The following PSKH1 variants were observed in gnomAD, a reference collection of about 807,000 sequenced individuals.
The protein encoded by PSKH1 is serine/threonine-protein kinase H1.
PSKH1 carries 12 observed loss-of-function variants against 26.7 expected under a neutral mutation model. The ratio of observed to expected loss-of-function variants is 0.45; its 90% confidence interval spans 0.29 to 0.73. The LOEUF is 0.73. Ranked by LOEUF, PSKH1 falls within the 30% of genes least tolerant of loss-of-function variation. The pLI, the probability that PSKH1 is intolerant of heterozygous loss-of-function variation, is 0.11. For missense variants in PSKH1, 431 were observed against 595.2 expected, an observed-to-expected ratio of 0.72 and a Z score of 2.87; for synonymous variants, 213 against 234.3, an observed-to-expected ratio of 0.91 and a Z score of 0.83.
intron 1 of PSKH1, among the ~76,000 whole-genome samples, chr16:67,903,780 A>T (rs775574904): frequency 6.7e-6 from 1 of 148,764 alleles, no homozygotes; most frequent in African/African-American, 2.5e-5. Context: ...CTTCCACCCA[A>T]CATGGAAGTT....
At chr16:67,925,394 A>G (rs1045804499) in intron 2 of PSKH1, among the ~76,000 whole-genome samples, 35 of 150,800 alleles carry the variant, frequency 2.3e-4, no homozygotes, top group African/African-American at 8.5e-4. Flanking sequence ...GGGTTTCACC[A>G]TGTTGGCCAG....
Position 67,918,592 on chromosome 16 carries a change from CTTTTT to C in PSKH1, c.958-8720_958-8716del, listed in dbSNP as rs1238011875. Among the ~76,000 whole-genome samples, 4 of 134,318 alleles carry C rather than the reference CTTTTT, an allele frequency of 3.0e-5. 1 individual carries two copies. Among genetic ancestry groups the C allele is most frequent in the Non-Finnish European group, 6.5e-5 (4 of 61,774 alleles). The allele number at this position is 134,318 out of a possible 152,430, so 88.1% of individuals were successfully genotyped here. ...GCAATGAGCTTGACCACCTGTAGTT[CTTTTT>C]TTTTTTTTTTTTGAGATGGAGTCTT... On this transcript the variant is annotated intron_variant, in intron 2 of 2. Coordinates refer to ENST00000291041, the MANE Select transcript of PSKH1 (RefSeq NM_006742.3).
intron 2 of PSKH1, among the ~76,000 whole-genome samples, chr16:67,926,842 G>A (rs1288443064): frequency 6.6e-6 from 1 of 152,030 alleles, no homozygotes; most frequent in Non-Finnish European, 1.5e-5. Context: ...AGGGAGCAGT[G>A]GTCTTCTGCC....
chr16:67,927,222 G>A lies in PSKH1; in HGVS notation c.958-103G>A. On this transcript the variant is annotated intron_variant, in intron 2 of 2. Transcript: ENST00000291041. The surrounding 1 kb of genome is among the most constrained non-coding windows in gnomAD (Gnocchi z 5.5). ...CAAGTGCTACATGAGAGGAGGGGCA[G>A]CACCTCTCTCTGGAAAGGGGAGGGT... The A allele has an allele frequency of 8.3e-7, 1 of 1,202,054 alleles. No homozygotes were observed. Among genetic ancestry groups the A allele is most frequent in the Non-Finnish European group, 1.2e-6 (1 of 853,624 alleles). 74.5% of individuals were successfully genotyped at this position (1,202,054 alleles called of 1,614,324 possible). A position where few individuals can be genotyped will look rare whatever the true frequency, so the allele number is the denominator to read the frequency against.
chr16:67,907,608 G>A lies in PSKH1; in HGVS notation c.-70-1072G>A, dbSNP rs572831625. Among the ~76,000 whole-genome samples the A allele has an allele frequency of 1.2e-3, 176 of 152,328 alleles. 2 individuals are homozygous for A. Among genetic ancestry groups the A allele is most frequent in the South Asian group, 8.5e-3 (41 of 4,820 alleles). On this transcript the variant is annotated intron_variant, in intron 1 of 2. Coordinates refer to ENST00000291041, the MANE Select transcript of PSKH1 (RefSeq NM_006742.3). ...GACCAGGCGAGTTTTGCAGTCACTT[G>A]GTGGCAGTGTGCTGAGGCTTGTGGT...
chr16:67,918,943 T>C (rs539304935), intron 2 of PSKH1, among the ~76,000 whole-genome samples: 17 of 152,240 alleles, frequency 1.1e-4, no homozygotes, highest in African/African-American at 4.1e-4. Context: ...GAAGATAAAA[T>C]GAGATGCAGA....
intron 2 of PSKH1, among the ~76,000 whole-genome samples, chr16:67,923,071 G>T (rs370416797): frequency 6.6e-6 from 1 of 152,220 alleles, no homozygotes; most frequent in East Asian, 1.9e-4. Context: ...GGTTGGTGCG[G>T]GGGGTCCTCA....
chr16:67,899,496 G>T (rs563268448), intron 1 of PSKH1, among the ~76,000 whole-genome samples: 2 of 149,710 alleles, frequency 1.3e-5, no homozygotes, highest in Admixed American at 6.7e-5. Flanking sequence ...CCACCACACC[G>T]GGCTAATTTT....
At position 67,929,517 on chromosome 16, in the gene PSKH1, T is replaced by G; in HGVS notation, c.*1875T>G. 1 of 174,842 alleles carries G rather than the reference T, an allele frequency of 5.7e-6. No homozygotes were observed. The highest frequency in any genetic ancestry group is 2.4e-5 in the African/African-American group (1 of 42,534). The allele number at this position is 174,842 out of a possible 1,614,324, so 10.8% of individuals were successfully genotyped here. ...CTGGTCCTGAGGGCAGGACAGGGGGTTTGGAGATGTGGGCCTTTGATAGAC... is the reference window on the plus strand; with the variant it reads ...CTGGTCCTGAGGGCAGGACAGGGGGGTTGGAGATGTGGGCCTTTGATAGAC... On this transcript the variant is annotated 3_prime_UTR_variant, in exon 3 of 3. Transcript: ENST00000291041.
At chr16:67,921,366 G>C (rs1479833638) in intron 2 of PSKH1, among the ~76,000 whole-genome samples, 1 of 152,010 alleles carries the variant, frequency 6.6e-6, no homozygotes, top group Admixed American at 6.6e-5. Context: ...TTGAGGTCAG[G>C]AGATCAAGAC....
At chr16:67,894,216 A>G (rs2058119945) in intron 1 of PSKH1, among the ~76,000 whole-genome samples, 2 of 152,166 alleles carry the variant, frequency 1.3e-5, no homozygotes, top group African/African-American at 4.8e-5. Context: ...GCAATGGCTC[A>G]TTCATAGCTC....
At chr16:67,919,642 G>C (rs149793451) in intron 2 of PSKH1, among the ~76,000 whole-genome samples, 1 of 152,372 alleles carries the variant, frequency 6.6e-6, no homozygotes, top group East Asian at 1.9e-4. Flanking sequence ...CTGGATTCCT[G>C]ACTAGTCACT....
chr16:67,898,217 A>G (rs1049259953), intron 1 of PSKH1, among the ~76,000 whole-genome samples: 22 of 151,686 alleles, frequency 1.5e-4, no homozygotes, highest in Admixed American at 2.6e-4. Flanking sequence ...TGGGCTCAAG[A>G]GTTCGAGAAC....
At position 67,925,897 on chromosome 16, in the gene PSKH1, T is replaced by G. The variant is rs897091030; in HGVS notation, c.958-1428T>G. Among the ~76,000 whole-genome samples the G allele has an allele frequency of 6.0e-5, 9 of 149,662 alleles. 1 individual carries two copies. The Middle Eastern group carries it at 0.02, about 333-fold the overall frequency. ...GTGGGGAAGGGGGTAGGGAAAGAGT[T>G]GGAGGTCAGGCGAGCCAGACTGGGA... On this transcript the variant is annotated intron_variant, in intron 2 of 2. Coordinates refer to ENST00000291041, the MANE Select transcript of PSKH1 (RefSeq NM_006742.3).
intron 2 of PSKH1, among the ~76,000 whole-genome samples, chr16:67,917,097 G>T (rs921249811): frequency 1.3e-5 from 2 of 152,312 alleles, no homozygotes; most frequent in African/African-American, 4.8e-5. Flanking sequence ...CCATTGTGTG[G>T]TGCCCACTAA....
At chr16:67,904,351 G>A (rs576412785) in intron 1 of PSKH1, among the ~76,000 whole-genome samples, 246 of 151,958 alleles carry the variant, frequency 1.6e-3, no homozygotes, top group South Asian at 0.012. Flanking sequence ...ACAGGCATGC[G>A]CCACCACGCC....
At chr16:67,898,514 G>A (rs2058132794) in intron 1 of PSKH1, among the ~76,000 whole-genome samples, 1 of 152,098 alleles carries the variant, frequency 6.6e-6, no homozygotes, top group Admixed American at 6.5e-5. Flanking sequence ...GGCCCCCAGA[G>A]TGTTGGGATT....
chr16:67,913,552 G>T (rs1204412427), intron 2 of PSKH1, among the ~76,000 whole-genome samples: 9 of 152,168 alleles, frequency 5.9e-5, no homozygotes, highest in Admixed American at 5.9e-4. Flanking sequence ...CTTGAAGGAG[G>T]TGCTGCCTCT....
intron 2 of PSKH1, among the ~76,000 whole-genome samples, chr16:67,926,468 G>A (rs1003062430): frequency 1.3e-5 from 2 of 152,208 alleles, no homozygotes; most frequent in African/African-American, 2.4e-5. Flanking sequence ...GGGCTAAGAG[G>A]GAGTCTGAGC....
Sources: allele counts gnomAD v4.1 joint callset (sites outside exome capture counted in the v4.1 genomes callset), GRCh38; gene constraint gnomAD v4.1.1; non-coding constraint Gnocchi (gnomAD v3.1); transcripts MANE v1.5; gene names NCBI Gene and HGNC (gene_info 2026-07-23, HGNC 2026-07-21).